The following SNX18 variants were observed in gnomAD, a reference collection of about 807,000 sequenced individuals.
The protein encoded by SNX18 is sorting nexin 18.
Under a neutral mutation model 48.7 loss-of-function variants are expected in SNX18, and 35 were observed. The ratio of observed to expected loss-of-function variants is 0.72; its 90% CI spans 0.55 to 0.95. The LOEUF (loss-of-function observed/expected upper bound fraction) is 0.95, where lower values mean the gene tolerates loss of function less well. Among genes scored for constraint, SNX18 ranks in the 40% least tolerant of loss-of-function variants. The pLI is 0.00. For synonymous variants in SNX18, 492 were observed against 384.7 expected (o/e 1.28, Z -3.26); for missense variants, 824 against 871.0 (o/e 0.95, Z 0.68).
At chr5:54,600,246 T>G in the SNX18 span, among the ~76,000 whole-genome samples, 6 of 151,918 alleles carry the variant, frequency 3.9e-5, no homozygotes, top group African/African-American at 7.3e-5. Flanking sequence ...CACCAATCAT[T>G]AGAGAAATGC....
the SNX18 span, among the ~76,000 whole-genome samples, chr5:54,582,352 T>C: frequency 6.6e-6 from 1 of 152,184 alleles, no homozygotes; most frequent in Non-Finnish European, 1.5e-5. Flanking sequence ...TCTTAGGAAA[T>C]CATAAGACAT....
chr5:54,609,617 CCTT>C, the SNX18 span, among the ~76,000 whole-genome samples: 1 of 152,100 alleles, frequency 6.6e-6, no homozygotes, highest in Admixed American at 6.6e-5. Context: ...AGCCTCAAAT[CCTT>C]CTATTTGTCC....
chr5:54,554,808 A>G, the SNX18 span, among the ~76,000 whole-genome samples: 1 of 152,222 alleles, frequency 6.6e-6, no homozygotes, highest in Non-Finnish European at 1.5e-5. Context: ...AGGAGCAGCC[A>G]TGGCCTGGGG....
At chr5:54,625,600 T>A in the SNX18 span, among the ~76,000 whole-genome samples, 1 of 152,146 alleles carries the variant, frequency 6.6e-6, no homozygotes, top group African/African-American at 2.4e-5. Flanking sequence ...GAGGGTGGCA[T>A]CCCATTGCTT....
the SNX18 span, among the ~76,000 whole-genome samples, chr5:54,619,202 C>T: frequency 6.6e-6 from 1 of 152,038 alleles, no homozygotes; most frequent in South Asian, 2.1e-4. Context: ...TTTCAGATGA[C>T]AGATGGTGCA....
intron 1 of SNX18, among the ~76,000 whole-genome samples, chr5:54,539,500 A>G (rs1444710639): frequency 6.6e-6 from 1 of 152,200 alleles, no homozygotes; most frequent in African/African-American, 2.4e-5. Flanking sequence ...GGCATGTAGC[A>G]GGCCCTCTGA....
chr5:54,527,361 G>GC lies in SNX18; in HGVS notation c.1621+7788_1621+7789insC, dbSNP rs1554019646. Among the ~76,000 whole-genome samples the GC allele has an allele frequency of 4.4e-4, 66 of 150,294 alleles. No homozygotes were observed. The East Asian group carries it at 9.2e-3, about 21-fold the overall frequency. On this transcript the variant is annotated intron_variant, in intron 1 of 1. Transcript: ENST00000381410. The stretch of plus-strand genomic sequence containing the variant: ...ACAGAGGTGGTGGTCGGGGAGCCGG[G>GC]GGGGGGGGTCCCCCTCCAGCTATAT...
the SNX18 span, among the ~76,000 whole-genome samples, chr5:54,584,097 C>T: frequency 2.2e-5 from 3 of 137,886 alleles, no homozygotes; most frequent in Non-Finnish European, 4.5e-5. Context: ...GTTGCCCAGG[C>T]TGGAGTGCAG....
chr5:54,640,261 TGG>T, the SNX18 span, among the ~76,000 whole-genome samples: 2 of 151,912 alleles, frequency 1.3e-5, no homozygotes, highest in Admixed American at 1.3e-4. Context: ...TCACCCAGAC[TGG>T]AGTGCGGTAG....
the SNX18 span, among the ~76,000 whole-genome samples, chr5:54,561,232 G>T: frequency 1.3e-5 from 2 of 151,836 alleles, no homozygotes; most frequent in African/African-American, 4.8e-5. Flanking sequence ...AGTAAGACGG[G>T]GTTTCTCCAT....
the SNX18 span, among the ~76,000 whole-genome samples, chr5:54,636,717 C>A: frequency 2.0e-5 from 3 of 152,142 alleles, no homozygotes; most frequent in African/African-American, 7.2e-5. Context: ...AGAAAATGCA[C>A]CCAATTTTAA....
the SNX18 span, among the ~76,000 whole-genome samples, chr5:54,585,409 C>T: frequency 8.3e-6 from 1 of 120,444 alleles, no homozygotes; most frequent in Admixed American, 1.2e-4. Flanking sequence ...AGGAAGAATC[C>T]ATGGTTATAC....
the SNX18 span, among the ~76,000 whole-genome samples, chr5:54,647,120 A>G: frequency 1.3e-5 from 2 of 152,338 alleles, no homozygotes; most frequent in East Asian, 3.9e-4. Flanking sequence ...ACTACGCCTT[A>G]AATAAATATA....
chr5:54,635,104 T>G, the SNX18 span, among the ~76,000 whole-genome samples: 1 of 151,888 alleles, frequency 6.6e-6, no homozygotes, highest in Admixed American at 6.6e-5. Flanking sequence ...TTTCAAAATG[T>G]GTTTATGTCT....
At chr5:54,549,894 G>A (rs912101215), downstream of SNX18, among the ~76,000 whole-genome samples, 6 of 152,158 alleles carry the variant, frequency 3.9e-5, no homozygotes, top group Non-Finnish European at 7.4e-5. Flanking sequence ...AAATATTAGT[G>A]TAGACCAAGT....
chr5:54,635,128 C>T, the SNX18 span, among the ~76,000 whole-genome samples: 1 of 151,598 alleles, frequency 6.6e-6, no homozygotes, highest in Non-Finnish European at 1.5e-5. Context: ...TATTGGTAGA[C>T]ATAAACACAT....
the SNX18 span, among the ~76,000 whole-genome samples, chr5:54,585,152 C>A: frequency 6.6e-6 from 1 of 151,886 alleles, no homozygotes; most frequent in Non-Finnish European, 1.5e-5. Flanking sequence ...GTCAGCCAGG[C>A]CTAGTGGCAT....
chr5:54,526,643 T>C (rs937318315), intron 1 of SNX18, among the ~76,000 whole-genome samples: 3 of 152,182 alleles, frequency 2.0e-5, no homozygotes, highest in African/African-American at 7.2e-5. Flanking sequence ...CAAATACGTA[T>C]GTACCCATCA....
the SNX18 span, among the ~76,000 whole-genome samples, chr5:54,582,081 C>G: frequency 9.8e-5 from 15 of 152,304 alleles, no homozygotes; most frequent in South Asian, 1.2e-3. Flanking sequence ...GGCCTGGGAA[C>G]AGAACAGATC....
Sources: allele counts gnomAD v4.1 joint callset (sites outside exome capture counted in the v4.1 genomes callset), GRCh38; gene constraint gnomAD v4.1.1; transcripts MANE v1.5; gene names NCBI Gene and HGNC (gene_info 2026-07-23, HGNC 2026-07-21).